The following DAB1 variants were observed in gnomAD, a reference collection of about 807,000 sequenced individuals.
DAB1 encodes disabled homolog 1.
DAB1 carries 15 observed loss-of-function variants against 64.6 expected under a neutral mutation model. The ratio of observed to expected loss-of-function variants is 0.23; its 90% CI spans 0.16 to 0.36. The LOEUF is 0.36. Among genes scored for constraint, DAB1 ranks in the 10% least tolerant of loss-of-function variants. The pLI is 1.00. For missense variants in DAB1, 596 were observed against 706.7 expected (o/e 0.84, Z 1.78); for synonymous variants, 235 against 251.9 (o/e 0.93, Z 0.64).
intron 6 of DAB1, among the ~76,000 whole-genome samples, chr1:57,700,583 T>A (rs1224604924): frequency 6.6e-6 from 1 of 152,228 alleles, no homozygotes; most frequent in Non-Finnish European, 1.5e-5. Flanking sequence ...CCTTTATATG[T>A]TGTTTCTCTT....
chr1:57,242,822 G>A (rs886364647), intron 2 of DAB1, among the ~76,000 whole-genome samples: 3 of 151,990 alleles, frequency 2.0e-5, no homozygotes, highest in Admixed American at 1.3e-4. Flanking sequence ...ACCCTTTCTC[G>A]CTAAGCATTT....
chr1:57,538,580 T>C (rs1169477107), intron 7 of DAB1, among the ~76,000 whole-genome samples: 49 of 152,180 alleles, frequency 3.2e-4, no homozygotes, highest in Admixed American at 3.2e-3. Flanking sequence ...AGATGGACGC[T>C]TGGAGCTGCA....
At chr1:58,452,893 C>G (rs1360944485) in intron 3 of DAB1, among the ~76,000 whole-genome samples, 1 of 151,742 alleles carries the variant, frequency 6.6e-6, no homozygotes, top group African/African-American at 2.4e-5. Flanking sequence ...TGCCATACAG[C>G]TCAGCAGTCC....
intron 5 of DAB1, among the ~76,000 whole-genome samples, chr1:58,050,590 C>T (rs1334379470): frequency 1.3e-5 from 2 of 152,050 alleles, no homozygotes; most frequent in East Asian, 1.9e-4. Flanking sequence ...AGTGCAGTGG[C>T]GCAATCTCGG....
chr1:58,420,992 G>A (rs1644766130), intron 3 of DAB1, among the ~76,000 whole-genome samples: 1 of 152,132 alleles, frequency 6.6e-6, no homozygotes. Context: ...AAAACCAGAA[G>A]CCTTTCTCTT....
chr1:58,161,964 A>C (rs372354686), intron 4 of DAB1, among the ~76,000 whole-genome samples: 6 of 152,190 alleles, frequency 3.9e-5, no homozygotes, highest in East Asian at 3.8e-4. Context: ...TACAAAAGCA[A>C]CAACATGATA....
chr1:58,470,028 C>T (rs1454806699), intron 3 of DAB1, among the ~76,000 whole-genome samples: 2 of 151,762 alleles, frequency 1.3e-5, no homozygotes, highest in Non-Finnish European at 2.9e-5. Context: ...CACAGCAGCC[C>T]CAGGAAGTAC....
chr1:58,128,109 T>A (rs1316298178), intron 5 of DAB1, among the ~76,000 whole-genome samples: 5 of 152,056 alleles, frequency 3.3e-5, no homozygotes, highest in Admixed American at 1.3e-4. Flanking sequence ...TGTTCTTCCA[T>A]TTGTTTGTAT....
chr1:58,534,300 G>A (rs1157277926), intron 1 of DAB1: 1 of 859,592 alleles, frequency 1.2e-6, no homozygotes, highest in Non-Finnish European at 2.0e-6. Context: ...ATCTTTCTCA[G>A]TTAGCATATC....
chr1:57,345,400 T>A (rs1022135378), intron 1 of DAB1, among the ~76,000 whole-genome samples: 1 of 152,008 alleles, frequency 6.6e-6, no homozygotes, highest in Admixed American at 6.5e-5. Context: ...AAAACAGACA[T>A]AAGGATGGTC....
intron 5 of DAB1, among the ~76,000 whole-genome samples, chr1:58,026,461 G>A (rs1054533848): frequency 2.0e-5 from 3 of 152,092 alleles, no homozygotes; most frequent in Non-Finnish European, 1.5e-5. Flanking sequence ...GGCTGTTATG[G>A]GGATTAACTA....
intron 6 of DAB1, among the ~76,000 whole-genome samples, chr1:57,741,020 T>C (rs888374740): frequency 6.6e-6 from 1 of 152,156 alleles, no homozygotes; most frequent in African/African-American, 2.4e-5. Flanking sequence ...ACCAATTTGG[T>C]TGACACTTCC....
intron 7 of DAB1, among the ~76,000 whole-genome samples, chr1:57,599,885 G>T (rs1017131633): frequency 6.6e-6 from 1 of 152,250 alleles, no homozygotes; most frequent in East Asian, 1.9e-4. Context: ...GCTTTGCAAA[G>T]AAATTTCCAG....
At chr1:57,541,048 G>T (rs575200830) in intron 7 of DAB1, among the ~76,000 whole-genome samples, 9 of 152,150 alleles carry the variant, frequency 5.9e-5, no homozygotes, top group Non-Finnish European at 1.5e-5. Flanking sequence ...ACTTGATCAT[G>T]ACACGTTCTA....
intron 6 of DAB1, among the ~76,000 whole-genome samples, chr1:57,739,534 C>T (rs544886342): frequency 2.1e-5 from 3 of 144,646 alleles, no homozygotes; most frequent in African/African-American, 5.2e-5. Flanking sequence ...GCAACCTCCC[C>T]CTCCCAGGTT....
intron 6 of DAB1, among the ~76,000 whole-genome samples, chr1:57,818,697 G>A (rs1328950787): frequency 6.6e-6 from 1 of 151,308 alleles, no homozygotes; most frequent in East Asian, 1.9e-4. Context: ...GCTAGTATGT[G>A]ATGTAGCTTA....
intron 1 of DAB1, chr1:57,386,694 A>G (rs1453637209): frequency 1.3e-5 from 2 of 152,006 alleles, no homozygotes; most frequent in African/African-American, 4.8e-5. Context: ...TTCCTCACAC[A>G]GTACAGCCTC....
At chr1:57,460,434 A>G (rs1686745426) in intron 7 of DAB1, among the ~76,000 whole-genome samples, 1 of 152,218 alleles carries the variant, frequency 6.6e-6, no homozygotes, top group South Asian at 2.1e-4. Context: ...AGCAAGAGTT[A>G]AACAGAAGAC....
At chr1:57,182,934 T>C (rs1663132453) in intron 2 of DAB1, among the ~76,000 whole-genome samples, 1 of 152,126 alleles carries the variant, frequency 6.6e-6, no homozygotes. Flanking sequence ...AAATTTTAAA[T>C]TGATTGTTCA....
Sources: gnomAD v4.1 joint callset for allele counts (sites outside exome capture counted in the v4.1 genomes callset) on GRCh38, gnomAD v4.1.1 for gene constraint, MANE v1.5 for transcripts, NCBI Gene and HGNC (gene_info 2026-07-23, HGNC 2026-07-21) for gene names.